The following CST2 variants were observed in gnomAD, a reference collection of about 807,000 sequenced individuals.
The protein encoded by CST2 is cystatin-SA.
A neutral mutation model predicts 13.4 loss-of-function variants in CST2; 26 were observed. That is an observed-to-expected ratio of 1.95 (90% CI 1.43 to 2.70). The LOEUF is 2.70. Ranked by LOEUF, CST2 falls within the 30% of genes most tolerant of loss-of-function variation. The pLI is 0.00. For synonymous variants in CST2, 105 were observed against 71.1 expected (o/e 1.48, Z -2.40); for missense variants, 243 against 173.4 (o/e 1.40, Z -2.25).
At chr20:23,825,883 C>G (rs554723675) in intron 1 of CST2, among the ~76,000 whole-genome samples, 1 of 152,206 alleles carries the variant, frequency 6.6e-6, no homozygotes, top group African/African-American at 2.4e-5. Context: ...GCAGGTAAAG[C>G]TGGGCCCAAT....
chr20:23,826,511 A>G lies in CST2; in HGVS notation c.150T>C (p.Phe50=), dbSNP rs115896789. 6.2e-7 allele frequency: 1 copy of G among 1,614,172 alleles called. No homozygotes were observed. The highest frequency in any genetic ancestry group is 1.7e-5 in the Admixed American group (1 of 60,030). The change falls in exon 1 of 3, where the codon TTT becomes TTC. Residue 50 remains phenylalanine (F), a synonymous_variant. Transcript: ENST00000304725. ...TGGCCTTGTTATACTCGCTGATGAC[A>G]AAGTGAAGGGCACGCTGTACCCGCT... ...NDERVQRALH[F]VISEYNKATE... is the part of the protein sequence containing the mutation.
intron 2 of CST2, 147 bp from the exon 3 acceptor site, chr20:23,824,250 A>G: frequency 2.6e-6 from 2 of 784,208 alleles, no homozygotes; most frequent in Non-Finnish European, 4.2e-6. Flanking sequence ...AGAGCACTGA[A>G]CTAGAATGAA....
rs779743803 is a variant in CST2 at position 23,825,292 on chromosome 20, A to C, written c.260T>G (p.Ile87Arg). 9 of 1,613,158 alleles carry C rather than the reference A, an allele frequency of 5.6e-6. No individual in the cohort carries two copies. The highest frequency in any genetic ancestry group is 7.6e-6 in the Non-Finnish European group (9 of 1,179,742). The change falls in exon 2 of 3, where the codon ATA becomes AGA. Residue 87 changes from isoleucine to arginine, a missense_variant. By Grantham distance (97) the Ile-to-Arg change is moderately conservative. Coordinates refer to ENST00000304725, the MANE Select transcript of CST2 (RefSeq NM_001322.3). The part of the protein sequence containing the change: ...IVGGVNYFFD[I>R]EVGRTICTKS... ...GGTACATATGGTTCGGCCCACCTCTATGTCGAAGAAGTAATTCACCCCGCC... is the reference window on the plus strand; with the variant it reads ...GGTACATATGGTTCGGCCCACCTCTCTGTCGAAGAAGTAATTCACCCCGCC...
rs183141479 is a variant in CST2 at position 23,825,360 on chromosome 20, C to T, written c.229-37G>A. On this transcript the variant is annotated intron_variant, in intron 1 of 2. Coordinates refer to ENST00000304725, the MANE Select transcript of CST2 (RefSeq NM_001322.3). Reference sequence around the variant, plus strand: ...AGAAAACAGGATGCACGGACAGCGCCCCCATCAGTTCATGCACTCACAGGC... The same window carrying T: ...AGAAAACAGGATGCACGGACAGCGCTCCCATCAGTTCATGCACTCACAGGC... The T allele has an allele frequency of 3.7e-6, 6 of 1,607,488 alleles. No homozygotes were observed. In the Admixed American group the frequency reaches 1.0e-4, roughly 27 times the overall value.
At position 23,826,524 on chromosome 20, in the gene CST2, C is replaced by A. The variant is rs144878011; in HGVS notation, c.137G>T (p.Arg46Leu). The A allele has an allele frequency of 3.1e-6, 5 of 1,614,002 alleles. No individual in the cohort carries two copies. In the East Asian group the frequency reaches 1.1e-4, roughly 36 times the overall value. Residue 46 changes from arginine to leucine, a missense_variant, in exon 1 of 3, where the codon CGT (arginine) becomes CTT (leucine). Transcript: ENST00000304725. ...DADLNDERVQ[R>L]ALHFVISEYN... ...CTCGCTGATGACAAAGTGAAGGGCA[C>A]GCTGTACCCGCTCATCATTGAGGTC...
chr20:23,826,346 C>T, intron 1 of CST2, 87 bp downstream of exon 1: 1 of 1,007,690 alleles, frequency 9.9e-7, no homozygotes, highest in Non-Finnish European at 1.5e-6. Context: ...ATGAATGTAT[C>T]AGTGTTGATG....
Position 23,826,698 on chromosome 20 carries a change from G to T in CST2, c.-38C>A. ...GGCAGAGCACAGAGCTGGAGCTGCA[G>T]GAGAGGAGGTTGAGAGCCTGAGGCG... is the stretch of plus-strand genomic sequence containing the variant. On this transcript the variant is annotated 5_prime_UTR_variant, in exon 1 of 3. In the 5' UTR this introduces an upstream ATG that the reference lacks. Coordinates refer to ENST00000304725, the MANE Select transcript of CST2 (RefSeq NM_001322.3). The T allele has an allele frequency of 6.5e-7, 1 of 1,539,338 alleles. No homozygotes were observed. Among genetic ancestry groups the T allele is most frequent in the South Asian group, 1.2e-5 (1 of 83,436 alleles).
intron 1 of CST2, among the ~76,000 whole-genome samples, chr20:23,825,893 T>C (rs1046227486): frequency 3.3e-5 from 5 of 152,196 alleles, no homozygotes; most frequent in Non-Finnish European, 5.9e-5. Flanking sequence ...CTGGGCCCAA[T>C]AGCCCTTCTG....
In CST2 at chr20:23,826,584, T is replaced by C. The variant is rs373205377; in HGVS notation, c.77A>G (p.Glu26Gly). The stretch of plus-strand genomic sequence containing the variant: ...GATGCCACCCTCGATTATCCTGTCC[T>C]CCTCCTGGGGGCTCCAGGCCAGGGC... ...AVALAWSPQE[E>G]DRIIEGGIYD... Residue 26 changes from glutamate to glycine, a missense_variant, in exon 1 of 3, where the codon GAG becomes GGG. Glu to Gly is a moderately conservative substitution (Grantham distance 98). Transcript: ENST00000304725. 6.2e-7 allele frequency: 1 copy of C among 1,613,782 alleles called. No homozygotes were observed. The highest frequency in any genetic ancestry group is 8.5e-7 in the Non-Finnish European group (1 of 1,179,970).
rs560318838 is a variant in CST2, at chr20:23,826,535, C to T, written c.126G>A (p.Glu42=). ...CAAAGTGAAGGGCACGCTGTACCCG[C>T]TCATCATTGAGGTCTGCATCATAGA... The part of the protein sequence containing the change: ...GGIYDADLND[E]RVQRALHFVI... The change falls in exon 1 of 3, where the codon GAG becomes GAA. Residue 42 remains glutamate (E), a synonymous_variant. Coordinates refer to ENST00000304725, the MANE Select transcript of CST2 (RefSeq NM_001322.3). 2.3e-4 allele frequency: 369 copies of T among 1,614,150 alleles called. 3 individuals are homozygous for T. In the South Asian group the frequency reaches 2.5e-3, roughly 11 times the overall value.
At position 23,826,644 on chromosome 20, in the gene CST2, C is replaced by G; in HGVS notation, c.17G>C (p.Cys6Ser). Residue 6 changes from cysteine to serine, a missense_variant, in exon 1 of 3, where the codon TGC (cysteine) becomes TCC (serine). Coordinates refer to ENST00000304725, the MANE Select transcript of CST2 (RefSeq NM_001322.3). ...GGTGGCCAGCAGGAGCAGCAGGGTG[C>G]ACAGGGGCCAGGCCATGGTCTCCTC... The part of the protein sequence containing the change: MAWPL[C>S]TLLLLLATQA... 1 of 1,606,292 alleles carries G rather than the reference C, an allele frequency of 6.2e-7. No homozygotes were observed. The highest frequency in any genetic ancestry group is 1.3e-5 in the African/African-American group (1 of 74,914).
rs116433552 is a variant in CST2 at position 23,823,776 on chromosome 20, C to T, written c.*244G>A. 2.0e-3 allele frequency: 1,044 copies of T among 532,674 alleles called. 9 individuals are homozygous for T. Among genetic ancestry groups the T allele is most frequent in the African/African-American group, 0.017 (926 of 52,922 alleles). 33.0% of individuals were successfully genotyped at this position (532,674 alleles called of 1,614,324 possible). On this transcript the variant is annotated 3_prime_UTR_variant, in exon 3 of 3. Coordinates refer to ENST00000304725, the MANE Select transcript of CST2 (RefSeq NM_001322.3). Reference sequence around the variant, plus strand: ...GCCAAGAACTCAGAGGGAGGTGATGCTACTGTTTAATTGCAGGAGGTGGGG... The same window carrying T: ...GCCAAGAACTCAGAGGGAGGTGATGTTACTGTTTAATTGCAGGAGGTGGGG...
chr20:23,825,634 G>A lies in CST2; in HGVS notation c.229-311C>T, dbSNP rs145410126. On this transcript the variant is annotated intron_variant, in intron 1 of 2. Transcript: ENST00000304725. Reference sequence around the variant, plus strand: ...CAGTTTACCCATGTATAAAATAGGCGTCCGGGCCTGATGGTCTGCAATGCC... The same window carrying A: ...CAGTTTACCCATGTATAAAATAGGCATCCGGGCCTGATGGTCTGCAATGCC... Among the ~76,000 whole-genome samples the A allele has an allele frequency of 2.1e-3, 327 of 152,306 alleles. 3 individuals carry two copies. The highest frequency in any genetic ancestry group is 7.4e-3 in the African/African-American group (308 of 41,574).
Position 23,825,339 on chromosome 20 carries a change from A to G in CST2, c.229-16T>C, listed in dbSNP as rs781652677. 5.0e-6 allele frequency: 8 copies of G among 1,613,586 alleles called. No homozygotes were observed. The South Asian group carries it at 8.8e-5, about 18-fold the overall frequency. On this transcript the variant is annotated splice_polypyrimidine_tract_variant and intron_variant, in intron 1 of 2. Coordinates refer to ENST00000304725, the MANE Select transcript of CST2 (RefSeq NM_001322.3). ...CGCCCACGATCTACACACATGAGAA[A>G]ACAGGATGCACGGACAGCGCCCCCA...
chr20:23,826,534 G>A lies in CST2; in HGVS notation c.127C>T (p.Arg43Trp), dbSNP rs771687341. The change falls in exon 1 of 3, where the codon CGG (arginine) becomes TGG (tryptophan). Residue 43 changes from arginine to tryptophan, a missense_variant. Physicochemically the swap from Arg to Trp is moderately radical, Grantham distance 101 (BLOSUM62 -3). Coordinates refer to ENST00000304725, the MANE Select transcript of CST2 (RefSeq NM_001322.3). Reference sequence around the variant, plus strand: ...ACAAAGTGAAGGGCACGCTGTACCCGCTCATCATTGAGGTCTGCATCATAG... The same window carrying A: ...ACAAAGTGAAGGGCACGCTGTACCCACTCATCATTGAGGTCTGCATCATAG... The part of the protein sequence containing the change: ...GIYDADLNDE[R>W]VQRALHFVIS... 4.5e-5 allele frequency: 72 copies of A among 1,613,968 alleles called. No homozygotes were observed. The highest frequency in any genetic ancestry group is 3.6e-4 in the East Asian group (16 of 44,856).
chr20:23,826,476 T>C lies in CST2; in HGVS notation c.185A>G (p.Glu62Gly). The C allele has an allele frequency of 6.2e-7, 1 of 1,614,182 alleles. No homozygotes were observed. Among genetic ancestry groups the C allele is most frequent in the Non-Finnish European group, 8.5e-7 (1 of 1,180,008 alleles). The stretch of plus-strand genomic sequence containing the variant: ...CACCCGCAGCAGGCGTCTGTAGTAC[T>C]CATCTTCAGTGGCCTTGTTATACTC... Reference protein sequence around the residue: ...ISEYNKATEDEYYRRLLRVLR... With the variant: ...ISEYNKATEDGYYRRLLRVLR... The change falls in exon 1 of 3, where the codon GAG (glutamate) becomes GGG (glycine). Residue 62 changes from glutamate to glycine, a missense_variant. Glu to Gly is a moderately conservative substitution (Grantham distance 98). Coordinates refer to ENST00000304725, the MANE Select transcript of CST2 (RefSeq NM_001322.3).
intron 1 of CST2, among the ~76,000 whole-genome samples, chr20:23,825,795 C>G (rs756599282): frequency 2.6e-5 from 4 of 152,160 alleles, no homozygotes; most frequent in Non-Finnish European, 5.9e-5. Flanking sequence ...TGGGGCTGGT[C>G]TGGATTCCTT....
chr20:23,823,994 T>A lies in CST2; in HGVS notation c.*26A>T. The A allele has an allele frequency of 1.2e-6, 2 of 1,612,216 alleles. No homozygotes were observed. The highest frequency in any genetic ancestry group is 8.5e-7 in the Non-Finnish European group (1 of 1,178,454). ...TACAAGGGGTGGGAGTAGGAGGTGGTCAGTGTGACTCCCTGGCACAGATCC... is the reference window on the plus strand; with the variant it reads ...TACAAGGGGTGGGAGTAGGAGGTGGACAGTGTGACTCCCTGGCACAGATCC... On this transcript the variant is annotated 3_prime_UTR_variant, in exon 3 of 3. Transcript: ENST00000304725.
Position 23,823,982 on chromosome 20 carries a change from A to C in CST2, c.*38T>G. On this transcript the variant is annotated 3_prime_UTR_variant, in exon 3 of 3. Transcript: ENST00000304725. ...GGGTGGGAGCACTACAAGGGGTGGG[A>C]GTAGGAGGTGGTCAGTGTGACTCCC... 6.2e-7 allele frequency: 1 copy of C among 1,607,140 alleles called. No homozygotes were observed.
Sources: gnomAD v4.1 joint callset for allele counts (sites outside exome capture counted in the v4.1 genomes callset) on GRCh38, gnomAD v4.1.1 for gene constraint, MANE v1.5 for transcripts, NCBI Gene and HGNC (gene_info 2026-07-23, HGNC 2026-07-21) for gene names.